Variants in PRH1 observed in about 807,000 individuals in gnomAD.
PRH1 encodes the protein proline rich protein HaeIII subfamily 1.
A neutral mutation model predicts 7.9 loss-of-function variants in PRH1; 7 were observed. That is an observed-to-expected ratio of 0.89 (90% CI 0.50 to 1.67). The LOEUF (loss-of-function observed/expected upper bound fraction) is 1.67, where lower values mean the gene tolerates loss of function less well. Among genes scored for constraint, PRH1 ranks in the 40% most tolerant of loss-of-function variants. The probability of loss-of-function intolerance (pLI) is 0.00; values close to 1 mark genes in which losing one functional copy is unlikely to be tolerated. For synonymous variants in PRH1, 45 were observed against 80.8 expected (o/e 0.56, Z 2.38); for missense variants, 109 against 223.6 (o/e 0.49, Z 3.27).
chr12:10,998,289 A>T (rs182724561), intron 1 of PRH1, among the ~76,000 whole-genome samples: 2 of 152,248 alleles, frequency 1.3e-5, no homozygotes, highest in East Asian at 3.9e-4. Flanking sequence ...GTTGTTGGGG[A>T]AATTTTAATA....
At chr12:10,967,814 TGTAG>T (rs1428467380) in intron 2 of PRH1, among the ~76,000 whole-genome samples, 1 of 152,256 alleles carries the variant, frequency 6.6e-6, no homozygotes, top group East Asian at 1.9e-4. Flanking sequence ...TTGCTTATAA[TGTAG>T]AAATGGGGCT....
At chr12:10,939,436 C>T (rs1436102901) in intron 2 of PRH1, among the ~76,000 whole-genome samples, 1 of 152,088 alleles carries the variant, frequency 6.6e-6, no homozygotes, top group African/African-American at 2.4e-5. Context: ...CATCCAGATG[C>T]TGTGTGCCTT....
chr12:11,100,498 C>G (rs1945202440), intron 1 of PRH1, among the ~76,000 whole-genome samples: 1 of 152,182 alleles, frequency 6.6e-6, no homozygotes, highest in African/African-American at 2.4e-5. Flanking sequence ...CTCAAAATGT[C>G]ATTTCAATTA....
chr12:10,929,842 T>G (rs2069997228), intron 2 of PRH1, among the ~76,000 whole-genome samples: 1 of 152,228 alleles, frequency 6.6e-6, no homozygotes, highest in Admixed American at 6.5e-5. Flanking sequence ...CTCCTGCATG[T>G]AGTATTTTAA....
chr12:10,982,493 T>C (rs1395887378), intron 1 of PRH1, among the ~76,000 whole-genome samples: 1 of 151,860 alleles, frequency 6.6e-6, no homozygotes, highest in African/African-American at 2.4e-5. Flanking sequence ...ATTTAGCTAA[T>C]GCTTTTTAAT....
At chr12:10,999,534 C>T (rs1433707870) in intron 1 of PRH1, among the ~76,000 whole-genome samples, 1 of 151,986 alleles carries the variant, frequency 6.6e-6, no homozygotes, top group African/African-American at 2.4e-5. Context: ...AATTATAATG[C>T]ACACTTAGAA....
intron 2 of PRH1, among the ~76,000 whole-genome samples, chr12:10,957,366 G>A (rs1565498865): frequency 6.6e-6 from 1 of 152,192 alleles, no homozygotes; most frequent in East Asian, 1.9e-4. Context: ...GCCATGTGCA[G>A]AAGATGGAAA....
chr12:10,986,636 A>G (rs1332639004), intron 1 of PRH1: 19 of 1,613,396 alleles, frequency 1.2e-5, no homozygotes, highest in Non-Finnish European at 1.6e-5. Flanking sequence ...CTACACTATA[A>G]AAAGCTGGAT....
At chr12:11,153,776 G>C (rs1309121319) in intron 1 of PRH1, among the ~76,000 whole-genome samples, 2 of 152,072 alleles carry the variant, frequency 1.3e-5, no homozygotes, top group African/African-American at 2.4e-5. Flanking sequence ...CAGACCAAAA[G>C]ACTTGTAAGA....
chr12:11,147,628 T>C (rs1012038373), intron 1 of PRH1, among the ~76,000 whole-genome samples: 3 of 152,258 alleles, frequency 2.0e-5, no homozygotes, highest in Non-Finnish European at 4.4e-5. Context: ...AGTGTTCATT[T>C]AAGCAGTGAC....
chr12:11,103,496 A>G (rs1031987088), intron 1 of PRH1, among the ~76,000 whole-genome samples: 1 of 147,148 alleles, frequency 6.8e-6, no homozygotes, highest in Non-Finnish European at 1.5e-5. Flanking sequence ...CAACGAGAAC[A>G]CTTGGATACA....
chr12:10,974,926 C>T (rs1319285260), intron 1 of PRH1, among the ~76,000 whole-genome samples: 1 of 151,980 alleles, frequency 6.6e-6, no homozygotes, highest in African/African-American at 2.4e-5. Flanking sequence ...AGTTGAAATA[C>T]AAAACGGTTA....
At chr12:10,892,516 G>A (rs1949589300) in intron 2 of PRH1, among the ~76,000 whole-genome samples, 1 of 151,104 alleles carries the variant, frequency 6.6e-6, no homozygotes, top group East Asian at 2.0e-4. Flanking sequence ...AGGATTGAAA[G>A]TGAATAATCT....
chr12:10,960,656 A>C (rs1384352797), intron 2 of PRH1, among the ~76,000 whole-genome samples: 2 of 152,222 alleles, frequency 1.3e-5, no homozygotes, highest in East Asian at 3.8e-4. Flanking sequence ...ACATCATGCT[A>C]ACTCAATATA....
At position 11,039,047 on chromosome 12, in the gene PRH1, G is replaced by C. The variant is rs1277812071; in HGVS notation, c.-126+7973C>G. 3.3e-5 allele frequency among the ~76,000 whole-genome samples: 5 copies of C among 152,250 alleles called. No homozygotes were observed. In the South Asian group the frequency reaches 1.0e-3, roughly 32 times the overall value. ...CAGCATACTGTAAGGGATATTTCAG[G>C]ATTGTTGAACAACTCTTAAAAGGAC... On this transcript the variant is annotated intron_variant, in intron 1 of 3. Coordinates refer to the PRH1 transcript ENST00000539853.
intron 2 of PRH1, chr12:10,929,388 G>C (rs771661126): frequency 1.2e-6 from 2 of 1,606,780 alleles, no homozygotes; most frequent in Non-Finnish European, 1.7e-6. Context: ...GTTTACGGGC[G>C]AATGCTATAG....
chr12:10,920,461 A>G (rs1180100116), intron 2 of PRH1, among the ~76,000 whole-genome samples: 1 of 152,166 alleles, frequency 6.6e-6, no homozygotes, highest in Non-Finnish European at 1.5e-5. Context: ...TTCACAATAT[A>G]TAACATCATG....
intron 2 of PRH1, among the ~76,000 whole-genome samples, chr12:10,960,253 G>A (rs1321322604): frequency 1.3e-5 from 2 of 152,210 alleles, no homozygotes; most frequent in African/African-American, 4.8e-5. Context: ...TCTCAGGACT[G>A]AGCCAATTCA....
chr12:10,983,652 T>G (rs4430593), intron 1 of PRH1, among the ~76,000 whole-genome samples: 4 of 152,174 alleles, frequency 2.6e-5, no homozygotes, highest in East Asian at 1.9e-4. Context: ...GCAGATACAT[T>G]TTCTCTTCTC....
Sources: gnomAD v4.1 joint callset for allele counts (sites outside exome capture counted in the v4.1 genomes callset) on GRCh38, gnomAD v4.1.1 for gene constraint, MANE v1.5 for transcripts, NCBI Gene and HGNC (gene_info 2026-07-23, HGNC 2026-07-21) for gene names.